Variants in OSBP2 observed in about 807,000 individuals in gnomAD.
OSBP2 encodes oxysterol-binding protein 2.
Under a neutral mutation model 96.0 loss-of-function variants are expected in OSBP2, and 66 were observed. The observed-to-expected ratio is 0.69, with a 90% CI of 0.56 to 0.84. The LOEUF (loss-of-function observed/expected upper bound fraction) is 0.84, where lower values mean the gene tolerates loss of function less well. Ranked by LOEUF, OSBP2 falls within the 40% of genes least tolerant of loss-of-function variation. The pLI is 0.00. For synonymous variants in OSBP2, 525 were observed against 520.9 expected, an observed-to-expected ratio of 1.01 and a Z score of -0.11; for missense variants, 1,038 against 1,222.7, an observed-to-expected ratio of 0.85 and a Z score of 2.25.
chr22:30,768,679 CAAAAA>C (rs136332), intron 2 of OSBP2, among the ~76,000 whole-genome samples: 4 of 137,344 alleles, frequency 2.9e-5, no homozygotes, highest in African/African-American at 1.1e-4. Context: ...AACTCCATCT[CAAAAA>C]AAAAAACAAA....
At chr22:30,858,677 A>G (rs1391884381) in intron 2 of OSBP2, among the ~76,000 whole-genome samples, 1 of 151,210 alleles carries the variant, frequency 6.6e-6, no homozygotes, top group Non-Finnish European at 1.5e-5. Context: ...TCAGGAGTTC[A>G]AGACCAGCCT....
chr22:30,889,753 C>T (rs1054186107), intron 7 of OSBP2, 117 bp downstream of exon 7: 33 of 923,076 alleles, frequency 3.6e-5, no homozygotes, highest in African/African-American at 1.1e-4. Flanking sequence ...ATTTTCTTAA[C>T]GGCACCTGAG....
Position 30,890,024 on chromosome 22 carries a change from C to T in OSBP2, c.1623+388C>T, listed in dbSNP as rs1229138601. Reference sequence around the variant, plus strand: ...CTGGCAGCCATCCCTGGTGCCATCCCCAGGAAATGCAGGCTCAGAGCTTGG... The same window carrying T: ...CTGGCAGCCATCCCTGGTGCCATCCTCAGGAAATGCAGGCTCAGAGCTTGG... On this transcript the variant is annotated intron_variant, in intron 7 of 13. Coordinates refer to ENST00000332585, the MANE Select transcript of OSBP2 (RefSeq NM_030758.4). This position sits in a 1 kb window ranked among gnomAD's most constrained non-coding sequence, Gnocchi z 4.4. Among the ~76,000 whole-genome samples the T allele has an allele frequency of 2.6e-5, 4 of 152,146 alleles. No individual in the cohort carries two copies. Among genetic ancestry groups the T allele is most frequent in the African/African-American group, 7.2e-5 (3 of 41,424 alleles).
chr22:30,751,415 C>T (rs1397425378), intron 2 of OSBP2, among the ~76,000 whole-genome samples: 2 of 151,980 alleles, frequency 1.3e-5, no homozygotes, highest in Non-Finnish European at 2.9e-5. Flanking sequence ...AGTGCAGTGG[C>T]GTGATCTCGG....
intron 1 of OSBP2, among the ~76,000 whole-genome samples, chr22:30,724,018 A>C (rs2089599912): frequency 6.6e-6 from 1 of 152,154 alleles, no homozygotes; most frequent in Non-Finnish European, 1.5e-5. Flanking sequence ...TGCCCTAAAA[A>C]TCAGTCTGTG....
intron 2 of OSBP2, among the ~76,000 whole-genome samples, chr22:30,761,556 C>T (rs2090204893): frequency 6.6e-6 from 1 of 152,092 alleles, no homozygotes; most frequent in South Asian, 2.1e-4. Flanking sequence ...AAAATCCCAG[C>T]AGGACATTTT....
At chr22:30,901,084 T>C (rs1336463304) in intron 12 of OSBP2, among the ~76,000 whole-genome samples, 1 of 152,212 alleles carries the variant, frequency 6.6e-6, no homozygotes, top group Non-Finnish European at 1.5e-5. Flanking sequence ...AGAACTTTTT[T>C]TTGAGATGGA....
intron 2 of OSBP2, among the ~76,000 whole-genome samples, chr22:30,856,393 TTTTTTTTTTTG>T (rs2039079614): frequency 8.0e-6 from 1 of 125,672 alleles, no homozygotes; most frequent in Non-Finnish European, 1.6e-5. Context: ...TTTTTTTTTT[TTTTTTTTTTTG>T]GAGACAGGGT....
Position 30,898,321 on chromosome 22 carries a change from C to G in OSBP2, c.2375+4320C>G, listed in dbSNP as rs564935232. On this transcript the variant is annotated intron_variant, in intron 12 of 13. Coordinates refer to ENST00000332585, the MANE Select transcript of OSBP2 (RefSeq NM_030758.4). Reference sequence around the variant, plus strand: ...TGAGTTGTGAACACACCACTGCACTCTAGCCTGTGTGACAGAGCAAGACCC... The same window carrying G: ...TGAGTTGTGAACACACCACTGCACTGTAGCCTGTGTGACAGAGCAAGACCC... Among the ~76,000 whole-genome samples, 131 of 152,114 alleles carry G rather than the reference C, an allele frequency of 8.6e-4. 1 individual carries two copies. Among genetic ancestry groups the G allele is most frequent in the African/African-American group, 3.0e-3 (125 of 41,504 alleles).
At chr22:30,832,304 T>C (rs1417742393) in intron 2 of OSBP2, among the ~76,000 whole-genome samples, 1 of 152,140 alleles carries the variant, frequency 6.6e-6, no homozygotes, top group Non-Finnish European at 1.5e-5. Flanking sequence ...TTCTTTCTTT[T>C]TTTTTTTAAG....
chr22:30,852,729 A>C (rs1433017395), intron 2 of OSBP2, among the ~76,000 whole-genome samples: 1 of 152,046 alleles, frequency 6.6e-6, no homozygotes, highest in Admixed American at 6.6e-5. Flanking sequence ...TTGGATTATT[A>C]ACTTTAAATC....
At chr22:30,751,774 GGGCACTT>G (rs2090076613) in intron 2 of OSBP2, among the ~76,000 whole-genome samples, 2 of 152,312 alleles carry the variant, frequency 1.3e-5, no homozygotes, top group South Asian at 2.1e-4. Flanking sequence ...TAGGCGCCCA[GGGCACTT>G]GAGAGGTGAA....
intron 2 of OSBP2, among the ~76,000 whole-genome samples, chr22:30,747,402 GC>G (rs1344683666): frequency 1.3e-5 from 2 of 152,142 alleles, no homozygotes; most frequent in African/African-American, 4.8e-5. Flanking sequence ...GATTGCTTGA[GC>G]CCATAAGTTT....
At chr22:30,703,862 G>A (rs998588642) in intron 1 of OSBP2, among the ~76,000 whole-genome samples, 3 of 152,312 alleles carry the variant, frequency 2.0e-5, no homozygotes, top group Middle Eastern at 3.4e-3. Context: ...CAAAGAAGGG[G>A]CCTCTACCCT....
At chr22:30,716,681 G>A (rs1167370258) in intron 1 of OSBP2, among the ~76,000 whole-genome samples, 1 of 151,950 alleles carries the variant, frequency 6.6e-6, no homozygotes. Context: ...CAAGTGATCT[G>A]CCCGCCTCAG....
chr22:30,889,258 G>A lies in OSBP2; in HGVS notation c.1476+24G>A, dbSNP rs752470651. ...ATGTAAGTGAGGGGGAGCACTGTAA[G>A]GGCCAGAAGGCAGCTTCTGGCCTAG... is the stretch of plus-strand genomic sequence containing the variant. On this transcript the variant is annotated intron_variant, in intron 6 of 13. Coordinates refer to ENST00000332585, the MANE Select transcript of OSBP2 (RefSeq NM_030758.4). The A allele has an allele frequency of 3.1e-6, 5 of 1,606,894 alleles. No individual in the cohort carries two copies. In the Admixed American group the frequency reaches 5.1e-5, roughly 16 times the overall value.
chr22:30,786,018 T>TTGTGTGTG (rs59686538), intron 2 of OSBP2, among the ~76,000 whole-genome samples: 5,905 of 149,056 alleles, frequency 0.04, 203 homozygotes, highest in African/African-American at 0.094. Context: ...CTAATACAGT[T>TTGTGTGTG]TGTGTGTGTG....
rs136374 is a variant in OSBP2 at position 30,725,790 on chromosome 22, C to CTT, written c.645-15358_645-15357dup. On this transcript the variant is annotated intron_variant, in intron 1 of 13. Coordinates refer to ENST00000332585, the MANE Select transcript of OSBP2 (RefSeq NM_030758.4). Reference sequence around the variant, plus strand: ...TGGCCCTTGTGAGGGTCAAAAGAGTCTTTTTTTTTTTTTTCCTGAGACAGA... The same window carrying CTT: ...TGGCCCTTGTGAGGGTCAAAAGAGTCTTTTTTTTTTTTTTTTCCTGAGACAGA... Among the ~76,000 whole-genome samples, 95 of 142,200 alleles carry CTT rather than the reference C, an allele frequency of 6.7e-4. 1 individual carries two copies. Among genetic ancestry groups the CTT allele is most frequent in the Admixed American group, 4.9e-3 (69 of 14,118 alleles). The allele number at this position is 142,200 out of a possible 152,430, so 93.3% of individuals were successfully genotyped here. A position where few individuals can be genotyped will look rare whatever the true frequency, so the allele number is the denominator to read the frequency against.
intron 2 of OSBP2, among the ~76,000 whole-genome samples, chr22:30,827,500 G>A (rs1039463233): frequency 6.6e-6 from 1 of 152,198 alleles, no homozygotes; most frequent in Non-Finnish European, 1.5e-5. Context: ...CCTGGCACAT[G>A]GTAGCTGCTC....
Sources: allele counts gnomAD v4.1 joint callset (sites outside exome capture counted in the v4.1 genomes callset), GRCh38; gene constraint gnomAD v4.1.1; non-coding constraint Gnocchi (gnomAD v3.1); transcripts MANE v1.5; gene names NCBI Gene and HGNC (gene_info 2026-07-23, HGNC 2026-07-21).